The following ADGRL2 variants were observed in gnomAD, a reference collection of about 807,000 sequenced individuals.
ADGRL2 encodes the protein calcium-independent alpha-latrotoxin receptor 2.
Under a neutral mutation model 157.4 loss-of-function variants are expected in ADGRL2, and 44 were observed. The ratio of observed to expected loss-of-function variants is 0.28; its 90% CI spans 0.22 to 0.36. The LOEUF (loss-of-function observed/expected upper bound fraction) is 0.36, where lower values mean the gene tolerates loss of function less well. Ranked by LOEUF, ADGRL2 falls within the 10% of genes least tolerant of loss-of-function variation. ADGRL2 has a pLI of 1.00. For missense variants in ADGRL2, 1,510 were observed against 1,768.9 expected (o/e 0.85, Z 2.63); for synonymous variants, 585 against 624.7 (o/e 0.94, Z 0.95).
At chr1:81,366,518 C>T (rs1016900694) in intron 1 of ADGRL2, among the ~76,000 whole-genome samples, 4 of 152,130 alleles carry the variant, frequency 2.6e-5, no homozygotes, top group Non-Finnish European at 5.9e-5. Flanking sequence ...TTTACTCTTG[C>T]TATCTTTATG....
chr1:81,513,088 C>T (rs971251033), intron 2 of ADGRL2, among the ~76,000 whole-genome samples: 3 of 152,022 alleles, frequency 2.0e-5, no homozygotes, highest in Non-Finnish European at 2.9e-5. Flanking sequence ...ATTAAGATAT[C>T]CATCTTCTTT....
At position 81,719,246 on chromosome 1, in the gene ADGRL2, ATATCTC is replaced by A. The variant is rs147217856; in HGVS notation, c.-143+19441_-143+19446del. Among the ~76,000 whole-genome samples the A allele has an allele frequency of 2.2e-3, 342 of 152,334 alleles. 2 individuals carry two copies. Among genetic ancestry groups the A allele is most frequent in the South Asian group, 6.6e-3 (32 of 4,830 alleles). On this transcript the variant is annotated intron_variant, in intron 1 of 20. Transcript: ENST00000359929. ...TTATAGAACTACTACGTAAGAAAGA[ATATCTC>A]TAGTCATATAGGCCACCATCCGTTC...
At chr1:81,462,662 C>T (rs758608355) in intron 2 of ADGRL2, among the ~76,000 whole-genome samples, 8 of 152,088 alleles carry the variant, frequency 5.3e-5, no homozygotes, top group Non-Finnish European at 8.8e-5. Context: ...CATCTTGCTC[C>T]TCAGATTTTC....
At chr1:81,316,064 C>T (rs1224694041) in intron 1 of ADGRL2, among the ~76,000 whole-genome samples, 1 of 151,512 alleles carries the variant, frequency 6.6e-6, no homozygotes, top group Non-Finnish European at 1.5e-5. Flanking sequence ...TCCTTTCTTC[C>T]CTTAGCTGTT....
chr1:81,528,764 G>T (rs886272182), intron 2 of ADGRL2, among the ~76,000 whole-genome samples: 2 of 151,424 alleles, frequency 1.3e-5, no homozygotes, highest in Non-Finnish European at 2.9e-5. Context: ...AACATCTATT[G>T]ATTGCAGGAT....
At chr1:81,893,308 T>A (rs1404686614) in intron 2 of ADGRL2, among the ~76,000 whole-genome samples, 2 of 151,618 alleles carry the variant, frequency 1.3e-5, no homozygotes, top group African/African-American at 4.8e-5. Flanking sequence ...TTGTGACTTA[T>A]CAATCCTGTC....
rs186589109 is a variant in ADGRL2 at position 81,752,591 on chromosome 1, C to T, written c.-142-9220C>T. Among the ~76,000 whole-genome samples, 37 of 152,248 alleles carry T rather than the reference C, an allele frequency of 2.4e-4. No individual in the cohort carries two copies. In the East Asian group the frequency reaches 5.6e-3, roughly 23 times the overall value. On this transcript the variant is annotated intron_variant, in intron 1 of 20. Coordinates refer to the ADGRL2 transcript ENST00000359929. ...CTCACAGAGTGCAGTGGCATGATCA[C>T]GGCTCACTGCAGCCTCAACATTCCT... is the stretch of plus-strand genomic sequence containing the variant.
intron 1 of ADGRL2, among the ~76,000 whole-genome samples, chr1:81,348,923 T>C (rs926370880): frequency 2.0e-5 from 3 of 152,360 alleles, no homozygotes; most frequent in East Asian, 1.9e-4. Context: ...AAAGCTATTA[T>C]GCATTCACTG....
At chr1:81,765,134 T>TA (rs1323871477) in intron 2 of ADGRL2, among the ~76,000 whole-genome samples, 1 of 152,038 alleles carries the variant, frequency 6.6e-6, no homozygotes, top group Non-Finnish European at 1.5e-5. Flanking sequence ...ACCTATAAGA[T>TA]AAAATCTAGT....
At position 81,937,978 on chromosome 1, in the gene ADGRL2, A is replaced by C. The variant is rs1445727996; in HGVS notation, c.397+1141A>C. Reference sequence around the variant, plus strand: ...ATCTTTTCTCTGACACAGTTTTGACAAATTGGCTTTTTGTGTTATCAGTTA... The same window carrying C: ...ATCTTTTCTCTGACACAGTTTTGACCAATTGGCTTTTTGTGTTATCAGTTA... On this transcript the variant is annotated intron_variant, in intron 4 of 23. Coordinates refer to ENST00000686636, the MANE Select transcript of ADGRL2 (RefSeq NM_001366006.2). 4.6e-4 allele frequency among the ~76,000 whole-genome samples: 70 copies of C among 151,820 alleles called. 1 individual carries two copies. Among genetic ancestry groups the C allele is most frequent in the Admixed American group, 4.5e-3 (69 of 15,188 alleles).
chr1:81,427,665 G>C (rs1644689644), intron 1 of ADGRL2: 3 of 508,898 alleles, frequency 5.9e-6, no homozygotes, highest in Non-Finnish European at 7.1e-6. Flanking sequence ...GAAATTGTTA[G>C]GAAAGCTGGA....
At chr1:81,774,072 T>C (rs1349252795) in intron 2 of ADGRL2, among the ~76,000 whole-genome samples, 1 of 152,192 alleles carries the variant, frequency 6.6e-6, no homozygotes, top group Non-Finnish European at 1.5e-5. Flanking sequence ...GACTTCTAGC[T>C]TCCAAAACTG....
intron 2 of ADGRL2, among the ~76,000 whole-genome samples, chr1:81,529,334 A>T (rs1210880262): frequency 1.3e-5 from 2 of 152,226 alleles, no homozygotes; most frequent in African/African-American, 2.4e-5. Context: ...GTGACTTTTA[A>T]TATGAAGCAT....
chr1:81,385,765 C>T (rs1477514603), intron 1 of ADGRL2, among the ~76,000 whole-genome samples: 2 of 152,100 alleles, frequency 1.3e-5, no homozygotes, highest in East Asian at 1.9e-4. Flanking sequence ...AAACTAAAGA[C>T]GCTCTGCAAT....
At chr1:81,811,083 G>A (rs952393925) in intron 1 of ADGRL2, among the ~76,000 whole-genome samples, 1 of 151,648 alleles carries the variant, frequency 6.6e-6, no homozygotes, top group Non-Finnish European at 1.5e-5. Context: ...TTTTAAACTA[G>A]ATCTACAGCC....
rs1664525239 is a variant in ADGRL2, at chr1:81,991,094, T to G, written c.4359T>G (p.Ile1453Met). 1.2e-6 allele frequency: 2 copies of G among 1,611,810 alleles called. No homozygotes were observed. The highest frequency in any genetic ancestry group is 1.3e-5 in the African/African-American group (1 of 74,872). The change falls in exon 24 of 24, where the codon ATT (isoleucine) becomes ATG (methionine). Residue 1453 changes from isoleucine (I) to methionine (M), a missense_variant. This residue lies in a region of ADGRL2 where 327 missense variants were observed against 310.1 expected (regional missense o/e 1.05). Coordinates refer to ENST00000686636, the MANE Select transcript of ADGRL2 (RefSeq NM_001366006.2). ...YIIPINKEGC[I>M]PEGDVREGQM... ...TCCCCATTAACAAAGAAGGGTGTAT[T>G]CCAGAAGGAGATGTTAGAGAAGGAC...
At chr1:81,362,959 T>G (rs1233038811) in intron 1 of ADGRL2, among the ~76,000 whole-genome samples, 1 of 152,042 alleles carries the variant, frequency 6.6e-6, no homozygotes, top group Non-Finnish European at 1.5e-5. Flanking sequence ...TAGCACTTTT[T>G]CTGTTGGATT....
In ADGRL2 at chr1:81,979,939, C is replaced by G. The variant is rs1477866800; in HGVS notation, c.3092C>G (p.Ser1031Cys). 2.5e-6 allele frequency: 4 copies of G among 1,601,928 alleles called. No homozygotes were observed. The highest frequency in any genetic ancestry group is 4.5e-5 in the East Asian group (2 of 44,676). Reference sequence around the variant, plus strand: ...CATTCAAACACTTTGAAACCAGATTCTAGCAGGTTGGAAAACATTAAGTAA... The same window carrying G: ...CATTCAAACACTTTGAAACCAGATTGTAGCAGGTTGGAAAACATTAAGTAA... ...VKHSNTLKPDSSRLENIKSWV... is the reference protein window; with the variant it reads ...VKHSNTLKPDCSRLENIKSWV... The change falls in exon 18 of 24, where the codon TCT (serine) becomes TGT (cysteine). Residue 1031 changes from serine (S) to cysteine (C), a missense_variant. Physicochemically the swap from Ser to Cys is moderately radical, Grantham distance 112 (BLOSUM62 -1). Around this residue, in one of 4 missense-constraint regions of ADGRL2, gnomAD observed 497 missense variants for 627.2 expected, o/e 0.79. Coordinates refer to ENST00000686636, the MANE Select transcript of ADGRL2 (RefSeq NM_001366006.2).
chr1:81,980,661 A>AT (rs945578365), intron 18 of ADGRL2: 41 of 452,870 alleles, frequency 9.1e-5, no homozygotes, highest in East Asian at 9.7e-5. Flanking sequence ...GTAAGGGTAA[A>AT]TTTTTTTTTA....
Sources: gnomAD v4.1 joint callset for allele counts (sites outside exome capture counted in the v4.1 genomes callset) on GRCh38, gnomAD v4.1.1 for gene constraint, gnomAD v4.1.1 regional missense constraint, MANE v1.5 for transcripts, NCBI Gene and HGNC (gene_info 2026-07-23, HGNC 2026-07-21) for gene names.